CPLANE1: variants seen among roughly 807,000 people sequenced by gnomAD.
CPLANE1 encodes the protein ciliogenesis and planar polarity effector complex subunit 1.
CPLANE1 carries 263 observed loss-of-function variants against 362.5 expected under a neutral mutation model. That is an observed-to-expected ratio of 0.73 (90% CI 0.66 to 0.80). CPLANE1 has a LOEUF of 0.80. Ranked by LOEUF, CPLANE1 falls within the 30% of genes least tolerant of loss-of-function variation. CPLANE1 has a pLI of 0.00. For synonymous variants in CPLANE1, 1,212 were observed against 1,302.6 expected, an observed-to-expected ratio of 0.93 and a Z score of 1.50; for missense variants, 3,461 against 3,793.4, an observed-to-expected ratio of 0.91 and a Z score of 2.30.
intron 29 of CPLANE1, among the ~76,000 whole-genome samples, chr5:37,178,739 T>C (rs549774480): frequency 8.2e-4 from 125 of 152,208 alleles, no homozygotes; most frequent in Non-Finnish European, 1.2e-3. Context: ...ATAAAAAGTA[T>C]ACTACAGCTG....
At chr5:37,135,837 A>G (rs1163432885) in intron 46 of CPLANE1, among the ~76,000 whole-genome samples, 7 of 152,076 alleles carry the variant, frequency 4.6e-5, no homozygotes, top group Admixed American at 3.9e-4. Context: ...CTCAAAAAAA[A>G]AAACCAACAA....
chr5:37,113,282 G>A (rs911530947), intron 51 of CPLANE1, among the ~76,000 whole-genome samples: 2 of 152,164 alleles, frequency 1.3e-5, no homozygotes, highest in Admixed American at 1.3e-4. Context: ...TTGTGATAGT[G>A]AGTTCTCATG....
chr5:37,231,103 A>T (rs1797633309), intron 8 of CPLANE1, 54 bp from the exon 9 acceptor site: 2 of 1,328,036 alleles, frequency 1.5e-6, no homozygotes, highest in Admixed American at 3.2e-5. Flanking sequence ...AATGTCTATG[A>T]CGATTTAAAA....
intron 8 of CPLANE1, among the ~76,000 whole-genome samples, chr5:37,237,010 A>T (rs1437287401): frequency 6.6e-6 from 1 of 152,234 alleles, no homozygotes; most frequent in Non-Finnish European, 1.5e-5. Context: ...AACGCAAATT[A>T]GTACAATCAT....
intron 42 of CPLANE1, among the ~76,000 whole-genome samples, chr5:37,149,202 C>T (rs750605235): frequency 5.3e-5 from 8 of 152,198 alleles, no homozygotes; most frequent in South Asian, 2.1e-4. Context: ...ATGCCTGAAA[C>T]GGTGGGGGTA....
chr5:37,173,447 C>CT (rs1159440961), intron 32 of CPLANE1, among the ~76,000 whole-genome samples: 2 of 151,782 alleles, frequency 1.3e-5, no homozygotes, highest in East Asian at 1.9e-4. Flanking sequence ...CCCTAGAGGT[C>CT]TTTTTTTTCC....
chr5:37,165,732 T>C, intron 35 of CPLANE1, 61 bp from the exon 36 acceptor site: 3 of 1,462,430 alleles, frequency 2.1e-6, no homozygotes, highest in Non-Finnish European at 2.8e-6. Flanking sequence ...GCTTTTCATT[T>C]ATCATGCTAT....
At chr5:37,144,095 C>T (rs886630571) in intron 43 of CPLANE1, among the ~76,000 whole-genome samples, 1 of 151,520 alleles carries the variant, frequency 6.6e-6, no homozygotes. Context: ...AAGAATCATT[C>T]CTACTCCAAT....
rs146364071 is a variant in CPLANE1 at position 37,198,101 on chromosome 5, G to C, written c.3672+601C>G. ...GAAATTTATTTCCACATTTCCAAGA[G>C]AGACAGCAGGCATATAAAGGATTTT... On this transcript the variant is annotated intron_variant, in intron 20 of 52. Transcript: ENST00000651892. 4.6e-3 allele frequency among the ~76,000 whole-genome samples: 698 copies of C among 152,264 alleles called. 10 individuals carry two copies. Among genetic ancestry groups the C allele is most frequent in the African/African-American group, 0.016 (670 of 41,546 alleles).
At position 37,227,476 on chromosome 5, in the gene CPLANE1, C is replaced by T. The variant is rs531282291; in HGVS notation, c.1372-84G>A. The T allele has an allele frequency of 1.8e-4, 274 of 1,482,014 alleles. 2 individuals carry two copies. The Middle Eastern group carries it at 2.8e-3, about 15-fold the overall frequency. The allele number at this position is 1,482,014 out of a possible 1,614,324, so 91.8% of individuals were successfully genotyped here. A position where few individuals can be genotyped will look rare whatever the true frequency, so the allele number is the denominator to read the frequency against. ...AAGCAATTAAAAATTCTATAGACAA[C>T]TGTATACAATTCAAGGACATTATTG... On this transcript the variant is annotated intron_variant, in intron 10 of 52. Coordinates refer to ENST00000651892, the MANE Select transcript of CPLANE1 (RefSeq NM_001384732.1).
chr5:37,108,987 T>G (rs1260501362), intron 51 of CPLANE1, among the ~76,000 whole-genome samples: 1 of 152,206 alleles, frequency 6.6e-6, no homozygotes, highest in Non-Finnish European at 1.5e-5. Context: ...AAATTTTCAT[T>G]CCAGCTAATG....
chr5:37,092,474 T>C, the CPLANE1 span, among the ~76,000 whole-genome samples: 1 of 152,250 alleles, frequency 6.6e-6, no homozygotes, highest in Non-Finnish European at 1.5e-5. Flanking sequence ...AGTACTGGAT[T>C]TTACTTTAGC....
At position 37,108,346 on chromosome 5, in the gene CPLANE1, T is replaced by C. The variant is rs1758133478; in HGVS notation, c.9526A>G (p.Ile3176Val). ...REETVVSPWT[I>V]PSEIHKILHE... ...AGAATCTTATGGATTTCTGAAGGTA[T>C]CGTCCAGGGACTCACCACAGTCTCC... Residue 3176 changes from isoleucine to valine, a missense_variant, in exon 52 of 53, where the codon ATA (isoleucine) becomes GTA (valine). Around this residue, in one of 2 missense-constraint regions of CPLANE1, gnomAD observed 81 missense variants for 127.3 expected, o/e 0.64. Transcript: ENST00000651892. 6.2e-7 allele frequency: 1 copy of C among 1,613,788 alleles called. No homozygotes were observed. Among genetic ancestry groups the C allele is most frequent in the Admixed American group, 1.7e-5 (1 of 59,988 alleles).
At chr5:37,221,601 CATGAT>C (rs1795368590) in intron 14 of CPLANE1, 113 bp from the exon 15 acceptor site, 5 of 594,646 alleles carry the variant, frequency 8.4e-6, no homozygotes, top group Middle Eastern at 4.9e-4. Flanking sequence ...GTTGTACACT[CATGAT>C]ATGTAAACTT....
In CPLANE1 at chr5:37,125,391, G is replaced by T; in HGVS notation, c.8811C>A (p.Gly2937=). The change falls in exon 47 of 53, where the codon GGC becomes GGA. Residue 2937 remains glycine (G), a synonymous_variant. Transcript: ENST00000651892. ...CCTTGTCAGTTCTTTGTGAATGTCT[G>T]CCAGAATAATGCTGAATTCTGAGAA... ...MGTSRIQHYS[G]RHSQRTDKER... 6.2e-7 allele frequency: 1 copy of T among 1,612,670 alleles called. No individual in the cohort carries two copies. The highest frequency in any genetic ancestry group is 8.5e-7 in the Non-Finnish European group (1 of 1,179,812).
intron 44 of CPLANE1, chr5:37,140,509 C>G (rs895600380): frequency 2.1e-5 from 21 of 984,288 alleles, no homozygotes; most frequent in Middle Eastern, 5.2e-4. Flanking sequence ...CCCCTTATAG[C>G]TTTTTACTAG....
At chr5:37,175,010 T>C (rs975040324) in intron 31 of CPLANE1, among the ~76,000 whole-genome samples, 1 of 151,916 alleles carries the variant, frequency 6.6e-6, no homozygotes, top group Admixed American at 6.6e-5. Context: ...ATCTAAAGAG[T>C]AAGCGGAGCC....
At chr5:37,085,527 A>C in the CPLANE1 span, 1 of 808,466 alleles carries the variant, frequency 1.2e-6, no homozygotes, top group Middle Eastern at 2.2e-4. Flanking sequence ...GGTAAATGAT[A>C]CCATTCAGAC....
chr5:37,241,593 T>C (rs1000835319), intron 6 of CPLANE1, among the ~76,000 whole-genome samples: 1 of 152,220 alleles, frequency 6.6e-6, no homozygotes, highest in Non-Finnish European at 1.5e-5. Context: ...TTTCAAAGTC[T>C]AGTTGTACAC....
Sources: gnomAD v4.1 joint callset for allele counts (sites outside exome capture counted in the v4.1 genomes callset) on GRCh38, gnomAD v4.1.1 for gene constraint, gnomAD v4.1.1 regional missense constraint, MANE v1.5 for transcripts, NCBI Gene and HGNC (gene_info 2026-07-23, HGNC 2026-07-21) for gene names.